The following DHX34 variants were observed in gnomAD, a reference collection of about 807,000 sequenced individuals.
DHX34 encodes the protein DExH-box helicase 34, also known as probable ATP-dependent RNA helicase DHX34.
Under a neutral mutation model 111.1 loss-of-function variants are expected in DHX34, and 96 were observed. That is an observed-to-expected ratio of 0.86 (90% CI 0.73 to 1.02). The LOEUF (loss-of-function observed/expected upper bound fraction) is 1.02, where lower values mean the gene tolerates loss of function less well. DHX34 is among the 50% of genes least tolerant of loss of function. The pLI, the probability that DHX34 is intolerant of heterozygous loss-of-function variation, is 0.00. For synonymous variants in DHX34, 688 were observed against 670.4 expected (o/e 1.03, Z -0.41); for missense variants, 1,560 against 1,579.9 (o/e 0.99, Z 0.21).
At chr19:47,368,705 C>T (rs1200873947) in intron 7 of DHX34, among the ~76,000 whole-genome samples, 1 of 149,156 alleles carries the variant, frequency 6.7e-6, no homozygotes, top group African/African-American at 2.5e-5. Flanking sequence ...TATACACACA[C>T]ATATATATAT....
chr19:47,368,432 G>A (rs1262296405), intron 7 of DHX34, among the ~76,000 whole-genome samples: 6 of 146,094 alleles, frequency 4.1e-5, no homozygotes, highest in Non-Finnish European at 8.9e-5. Context: ...TCAGCCTCCC[G>A]AGTAGCTGGG....
chr19:47,379,141 AAT>A (rs1970265021), intron 13 of DHX34, among the ~76,000 whole-genome samples: 2 of 146,192 alleles, frequency 1.4e-5, no homozygotes, highest in Non-Finnish European at 3.0e-5. Flanking sequence ...TAAATAAATA[AAT>A]TAATAATAAT....
chr19:47,364,932 T>C (rs1969745810), intron 6 of DHX34, among the ~76,000 whole-genome samples: 1 of 152,022 alleles, frequency 6.6e-6, no homozygotes, highest in South Asian at 2.1e-4. Flanking sequence ...GGGCGTCACC[T>C]CCTCCTCCTT....
intron 7 of DHX34, 33 bp downstream of exon 7, chr19:47,367,188 G>A (rs376256559): frequency 7.1e-7 from 1 of 1,415,578 alleles, no homozygotes; most frequent in Non-Finnish European, 9.3e-7. Context: ...ATCACTCAGG[G>A]CCCCAGGAGC....
intron 1 of DHX34, among the ~76,000 whole-genome samples, chr19:47,350,895 C>A (rs1278107563): frequency 6.6e-6 from 1 of 151,810 alleles, no homozygotes; most frequent in Non-Finnish European, 1.5e-5. Context: ...TGATGATGAA[C>A]AAGACGGACT....
At chr19:47,351,961 C>G (rs1599749317) in intron 1 of DHX34, among the ~76,000 whole-genome samples, 2 of 152,202 alleles carry the variant, frequency 1.3e-5, no homozygotes, top group African/African-American at 4.8e-5. Context: ...ACATATAACA[C>G]TTGCAAAATT....
In DHX34 at chr19:47,376,428, C is replaced by T; in HGVS notation, c.2482-15C>T. 1 of 1,608,254 alleles carries T rather than the reference C, an allele frequency of 6.2e-7. No homozygotes were observed. The highest frequency in any genetic ancestry group is 8.5e-7 in the Non-Finnish European group (1 of 1,177,866). On this transcript the variant is annotated splice_polypyrimidine_tract_variant and intron_variant, in intron 11 of 16. Transcript: ENST00000328771. ...GCAGATAGGAGGGCTTGTGCTTTCT[C>T]TCTGTCCTCCGCAGATTTTCCACAC... is the stretch of plus-strand genomic sequence containing the variant.
chr19:47,378,695 G>C (rs1407391345), intron 13 of DHX34, among the ~76,000 whole-genome samples: 1 of 152,090 alleles, frequency 6.6e-6, no homozygotes, highest in Non-Finnish European at 1.5e-5. Context: ...AGTTAGCTGG[G>C]CGTGGTGTTG....
intron 1 of DHX34, among the ~76,000 whole-genome samples, chr19:47,351,350 G>C (rs1412789590): frequency 6.6e-6 from 1 of 151,144 alleles, no homozygotes; most frequent in African/African-American, 2.4e-5. Context: ...CACCACACCT[G>C]GCTAATTTTT....
chr19:47,369,782 G>A (rs1969910354), intron 7 of DHX34, among the ~76,000 whole-genome samples: 1 of 152,144 alleles, frequency 6.6e-6, no homozygotes, highest in Non-Finnish European at 1.5e-5. Flanking sequence ...AATTAAATGG[G>A]AAGTGTTTAA....
At chr19:47,364,404 A>G (rs113219159) in intron 6 of DHX34, among the ~76,000 whole-genome samples, 2 of 152,128 alleles carry the variant, frequency 1.3e-5, no homozygotes, top group African/African-American at 4.8e-5. Flanking sequence ...GGAGGTGCAC[A>G]CTATTTTCTA....
chr19:47,367,659 G>A (rs868667321), intron 7 of DHX34, among the ~76,000 whole-genome samples: 8 of 152,252 alleles, frequency 5.3e-5, no homozygotes, highest in South Asian at 2.1e-4. Flanking sequence ...GGAGGCTGAG[G>A]CAGGTAGATC....
chr19:47,364,457 G>T (rs1969730712), intron 6 of DHX34, among the ~76,000 whole-genome samples: 2 of 152,036 alleles, frequency 1.3e-5, no homozygotes, highest in Non-Finnish European at 1.5e-5. Context: ...TACTAGTGCT[G>T]CCGGGCACAA....
intron 14 of DHX34, chr19:47,380,580 G>C (rs1009905719): frequency 5.1e-6 from 5 of 976,000 alleles, no homozygotes; most frequent in Non-Finnish European, 6.1e-6. Context: ...GGTCCCACCA[G>C]TGACAGGGGC....
Position 47,375,910 on chromosome 19 carries a change from C to G in DHX34, c.2308-14C>G. ...CAGGTCCCCTAAGACTCTGCCTCCC[C>G]GTGCTCCCCCCAGGATGTGAAGTTC... On this transcript the variant is annotated splice_polypyrimidine_tract_variant and intron_variant, in intron 10 of 16. Coordinates refer to ENST00000328771, the MANE Select transcript of DHX34 (RefSeq NM_014681.6). 2 of 1,594,198 alleles carry G rather than the reference C, an allele frequency of 1.3e-6. No individual in the cohort carries two copies. The highest frequency in any genetic ancestry group is 1.7e-6 in the Non-Finnish European group (2 of 1,174,672).
chr19:47,381,903 G>T, intron 16 of DHX34, 77 bp from the exon 17 acceptor site: 2 of 1,598,880 alleles, frequency 1.3e-6, no homozygotes, highest in Non-Finnish European at 1.7e-6. Flanking sequence ...GAGCCCCACA[G>T]GTGCCTGGCA....
chr19:47,377,203 C>T lies in DHX34; in HGVS notation c.2703C>T (p.Leu901=). 6.2e-7 allele frequency: 1 copy of T among 1,612,688 alleles called. No individual in the cohort carries two copies. Among genetic ancestry groups the T allele is most frequent in the Middle Eastern group, 1.7e-4 (1 of 6,058 alleles). The change falls in exon 13 of 17, where the codon CTC becomes CTT. Residue 901 remains leucine, a synonymous_variant. Transcript: ENST00000328771. ...YLVNCVRIPA[L]QSLLLFSRSL... ...TGAACTGCGTCCGCATCCCTGCCCT[C>T]CAGGTGGGCCTCTGCCCCACCCCGC...
intron 14 of DHX34, 108 bp from the exon 15 acceptor site, chr19:47,380,708 C>T (rs1970323839): frequency 6.6e-7 from 1 of 1,521,916 alleles, no homozygotes; most frequent in Non-Finnish European, 8.8e-7. Context: ...CACTTGGCTC[C>T]CGTAACTGCA....
intron 6 of DHX34, among the ~76,000 whole-genome samples, chr19:47,363,696 T>A (rs1217899368): frequency 1.3e-5 from 2 of 151,640 alleles, no homozygotes; most frequent in Non-Finnish European, 2.9e-5. Flanking sequence ...TGTGCACCTG[T>A]AAGCCCGGCT....
Sources: allele counts gnomAD v4.1 joint callset (sites outside exome capture counted in the v4.1 genomes callset), GRCh38; gene constraint gnomAD v4.1.1; transcripts MANE v1.5; gene names NCBI Gene and HGNC (gene_info 2026-07-23, HGNC 2026-07-21).